The following TRAPPC9 variants were observed in gnomAD, a reference collection of about 807,000 sequenced individuals.
The protein encoded by TRAPPC9 is IKK2 binding protein.
Under a neutral mutation model 124.0 loss-of-function variants are expected in TRAPPC9, and 83 were observed. The observed-to-expected ratio is 0.67, with a 90% CI of 0.56 to 0.80. TRAPPC9 has a LOEUF of 0.80. Among genes scored for constraint, TRAPPC9 ranks in the 30% least tolerant of loss-of-function variants. The pLI, the probability that TRAPPC9 is intolerant of heterozygous loss-of-function variation, is 0.00. For missense variants in TRAPPC9, 1,302 were observed against 1,508.3 expected (o/e 0.86, Z 2.27); for synonymous variants, 638 against 617.5 (o/e 1.03, Z -0.49).
chr8:139,908,703 A>T (rs1035020707), intron 20 of TRAPPC9: 4 of 152,254 alleles, frequency 2.6e-5, no homozygotes, highest in African/African-American at 9.7e-5. Context: ...GATGTGGAGG[A>T]GATAAATGGG....
chr8:140,458,193 G>A (rs1320828315), upstream of TRAPPC9: 43 of 1,548,812 alleles, frequency 2.8e-5, no homozygotes, highest in Non-Finnish European at 3.0e-5. Flanking sequence ...GGGAGGGACC[G>A]GAGCAAGAGA....
At chr8:140,113,328 A>T (rs1587733423) in intron 17 of TRAPPC9, among the ~76,000 whole-genome samples, 1 of 152,234 alleles carries the variant, frequency 6.6e-6, no homozygotes, top group Non-Finnish European at 1.5e-5. Flanking sequence ...AGCGGCAGGG[A>T]CGGTATTTCC....
At chr8:140,131,288 A>G (rs1164129179) in intron 17 of TRAPPC9, among the ~76,000 whole-genome samples, 2 of 152,224 alleles carry the variant, frequency 1.3e-5, no homozygotes, top group Admixed American at 1.3e-4. Flanking sequence ...CTTGATACAT[A>G]AAGGACTGCC....
rs547167863 is a variant in TRAPPC9, at chr8:140,421,981, T to C, written c.886+4634A>G. On this transcript the variant is annotated intron_variant, in intron 5 of 22. Coordinates refer to ENST00000438773, the MANE Select transcript of TRAPPC9 (RefSeq NM_001160372.4). ...GTGAATGAAGAGATAAGGTCCCTCA[T>C]GACAAAAAAAAAAAAAAAAAAAAAA... is the stretch of plus-strand genomic sequence containing the variant. Among the ~76,000 whole-genome samples the C allele has an allele frequency of 4.0e-4, 10 of 25,050 alleles. No individual in the cohort carries two copies. In the East Asian group the frequency reaches 7.2e-3, roughly 18 times the overall value. 16.4% of individuals were successfully genotyped at this position (25,050 alleles called of 152,430 possible).
intron 17 of TRAPPC9, among the ~76,000 whole-genome samples, chr8:140,163,251 C>A (rs2061780348): frequency 6.6e-6 from 1 of 152,162 alleles, no homozygotes; most frequent in African/African-American, 2.4e-5. Flanking sequence ...GCAGCTTGGT[C>A]TGCCTCACGG....
At chr8:139,879,642 C>T (rs1368325985) in intron 21 of TRAPPC9, among the ~76,000 whole-genome samples, 5 of 152,236 alleles carry the variant, frequency 3.3e-5, no homozygotes, top group Non-Finnish European at 7.3e-5. Context: ...GCAGGCTCTC[C>T]CCAGGCCTCC....
chr8:139,841,549 C>T (rs563223565), intron 21 of TRAPPC9, among the ~76,000 whole-genome samples: 14 of 152,344 alleles, frequency 9.2e-5, no homozygotes, highest in Admixed American at 6.5e-4. Context: ...ACACACCTGC[C>T]GAGTGCAGGC....
intron 15 of TRAPPC9, among the ~76,000 whole-genome samples, chr8:140,263,602 ATGCCAGGTACTGTATTAAG>A (rs1159966350): frequency 6.6e-6 from 1 of 152,194 alleles, no homozygotes; most frequent in Non-Finnish European, 1.5e-5. Context: ...GCTCTAACTA[ATGCCAGGTACTGTATTAAG>A]TGCCTTGCAT....
At chr8:140,384,424 T>C (rs2068698675) in intron 7 of TRAPPC9, among the ~76,000 whole-genome samples, 1 of 152,132 alleles carries the variant, frequency 6.6e-6, no homozygotes, top group Non-Finnish European at 1.5e-5. Flanking sequence ...CCATCTCACA[T>C]GCAGAGACAC....
intron 19 of TRAPPC9, chr8:139,931,930 G>A (rs1490009997): frequency 1.6e-5 from 3 of 192,268 alleles, no homozygotes; most frequent in African/African-American, 2.4e-5. Flanking sequence ...TGAAAATAAA[G>A]AATAAAAATC....
At chr8:140,003,532 G>C (rs1269836545) in intron 18 of TRAPPC9, among the ~76,000 whole-genome samples, 1 of 150,204 alleles carries the variant, frequency 6.7e-6, no homozygotes, top group Non-Finnish European at 1.5e-5. Flanking sequence ...AACCTGGGAG[G>C]CACAGGTTGC....
intron 18 of TRAPPC9, among the ~76,000 whole-genome samples, chr8:139,990,015 C>T (rs186546544): frequency 9.2e-5 from 14 of 152,264 alleles, no homozygotes; most frequent in Non-Finnish European, 2.1e-4. Flanking sequence ...GCAGGGTAAA[C>T]AGTTTTCATG....
intron 18 of TRAPPC9, 76 bp from the exon 19 acceptor site, chr8:139,988,912 A>G (rs1169116196): frequency 2.0e-6 from 2 of 1,024,438 alleles, no homozygotes; most frequent in Non-Finnish European, 3.0e-6. Flanking sequence ...TCTCCTCTCC[A>G]AAGACTTCCC....
chr8:140,367,990 C>T (rs1162221393), intron 8 of TRAPPC9, among the ~76,000 whole-genome samples: 4 of 152,186 alleles, frequency 2.6e-5, no homozygotes, highest in Non-Finnish European at 5.9e-5. Flanking sequence ...TGAAGAAAAA[C>T]TATCATAAAC....
chr8:139,756,747 G>A (rs1276428948), intron 21 of TRAPPC9, among the ~76,000 whole-genome samples: 1 of 135,154 alleles, frequency 7.4e-6, no homozygotes, highest in Admixed American at 7.2e-5. Context: ...CCAGGGTTGG[G>A]GTATAAGGAC....
chr8:140,129,005 T>TATATAAA (rs1563783126), intron 17 of TRAPPC9, among the ~76,000 whole-genome samples: 16 of 134,754 alleles, frequency 1.2e-4, no homozygotes, highest in African/African-American at 4.2e-4. Flanking sequence ...ATATATATAT[T>TATATAAA]AAAAAAAAAA....
intron 15 of TRAPPC9, among the ~76,000 whole-genome samples, chr8:140,264,700 G>A (rs545218310): frequency 6.6e-5 from 10 of 152,104 alleles, no homozygotes; most frequent in African/African-American, 1.9e-4. Context: ...TTCCTCAAGC[G>A]GGGCATGCCT....
At chr8:140,282,416 T>C (rs1358853891) in intron 14 of TRAPPC9, among the ~76,000 whole-genome samples, 4 of 151,810 alleles carry the variant, frequency 2.6e-5, no homozygotes, top group African/African-American at 4.8e-5. Flanking sequence ...GGCAGGATAA[T>C]TGCTTGAACC....
chr8:139,871,804 T>G (rs149867210), intron 21 of TRAPPC9, among the ~76,000 whole-genome samples: 16 of 152,136 alleles, frequency 1.1e-4, no homozygotes, highest in Admixed American at 2.6e-4. Flanking sequence ...TGTGGGTGGG[T>G]AGGTGGGTGG....
Sources: gnomAD v4.1 joint callset for allele counts (sites outside exome capture counted in the v4.1 genomes callset) on GRCh38, gnomAD v4.1.1 for gene constraint, MANE v1.5 for transcripts, NCBI Gene and HGNC (gene_info 2026-07-23, HGNC 2026-07-21) for gene names.